The following TXNDC16 variants were observed in gnomAD, a reference collection of about 807,000 sequenced individuals.
The protein encoded by TXNDC16 is thioredoxin domain-containing protein 16.
A neutral mutation model predicts 85.6 loss-of-function variants in TXNDC16; 74 were observed. The ratio of observed to expected loss-of-function variants is 0.86; its 90% CI spans 0.72 to 1.05. TXNDC16 has a LOEUF of 1.05. Among genes scored for constraint, TXNDC16 ranks in the 50% least tolerant of loss-of-function variants. TXNDC16 has a pLI of 0.00. For synonymous variants in TXNDC16, 335 were observed against 326.5 expected (o/e 1.03, Z -0.28); for missense variants, 959 against 947.0 (o/e 1.01, Z -0.17).
chr14:52,432,730 T>A, intron 20 of TXNDC16, 143 bp from the exon 21 acceptor site: 1 of 772,462 alleles, frequency 1.3e-6, no homozygotes. Flanking sequence ...AAGCTAGGAA[T>A]TTTTTTACTG....
intron 17 of TXNDC16, among the ~76,000 whole-genome samples, 194 bp from the exon 18 acceptor site, chr14:52,455,656 T>C (rs2035516064): frequency 6.6e-6 from 1 of 152,176 alleles, no homozygotes; most frequent in Admixed American, 6.5e-5. Flanking sequence ...GGTAATGATC[T>C]ATAACAAACT....
At chr14:52,534,541 T>C (rs1383461578) in intron 6 of TXNDC16, among the ~76,000 whole-genome samples, 2 of 152,090 alleles carry the variant, frequency 1.3e-5, no homozygotes, top group Non-Finnish European at 2.9e-5. Flanking sequence ...GTCACAAAGT[T>C]CCTCTTGCTT....
chr14:52,431,373 A>G lies in TXNDC16; in HGVS notation c.*931T>C, dbSNP rs908212057. 4 of 152,232 alleles carry G rather than the reference A, an allele frequency of 2.6e-5. No homozygotes were observed. Among genetic ancestry groups the G allele is most frequent in the African/African-American group, 9.6e-5 (4 of 41,460 alleles). 9.4% of individuals were successfully genotyped at this position (152,232 alleles called of 1,614,324 possible). On this transcript the variant is annotated 3_prime_UTR_variant, in exon 21 of 21. Transcript: ENST00000281741. ...GGAGGTTTTAAGACTCACTTAAAAT[A>G]TAAATATCATTCTGAGTCCTCTTCT...
At chr14:52,546,602 G>C (rs991026156) in intron 1 of TXNDC16, among the ~76,000 whole-genome samples, 2 of 152,216 alleles carry the variant, frequency 1.3e-5, no homozygotes, top group African/African-American at 4.8e-5. Flanking sequence ...CTGCAGTCAA[G>C]AGAAATGCCC....
At chr14:52,459,008 C>T (rs1206933748) in intron 16 of TXNDC16, among the ~76,000 whole-genome samples, 1 of 152,110 alleles carries the variant, frequency 6.6e-6, no homozygotes, top group Non-Finnish European at 1.5e-5. Flanking sequence ...TATTCTCCTC[C>T]TTGGTAAAAA....
chr14:52,470,368 G>A, intron 15 of TXNDC16, 144 bp downstream of exon 15: 1 of 1,070,002 alleles, frequency 9.3e-7, no homozygotes. Context: ...GTGTTGAAAT[G>A]TACACAGACT....
intron 9 of TXNDC16, among the ~76,000 whole-genome samples, chr14:52,502,932 G>A (rs906182930): frequency 8.5e-5 from 13 of 152,128 alleles, no homozygotes; most frequent in Admixed American, 2.0e-4. Context: ...ATTATATCCC[G>A]CGCTTGAGGG....
intron 7 of TXNDC16, among the ~76,000 whole-genome samples, chr14:52,515,717 T>C (rs1335131604): frequency 3.3e-5 from 5 of 150,514 alleles, no homozygotes; most frequent in Non-Finnish European, 7.4e-5. Flanking sequence ...GTGTATCATA[T>C]ATAACTTAAT....
intron 20 of TXNDC16, among the ~76,000 whole-genome samples, chr14:52,437,636 A>G (rs2140099456): frequency 6.6e-6 from 1 of 152,308 alleles, no homozygotes; most frequent in East Asian, 1.9e-4. Flanking sequence ...AACCCACAGA[A>G]TGGAATAAAA....
intron 6 of TXNDC16, among the ~76,000 whole-genome samples, chr14:52,534,699 G>A (rs915980921): frequency 6.6e-6 from 1 of 152,052 alleles, no homozygotes; most frequent in African/African-American, 2.4e-5. Flanking sequence ...TAGCCCTTAT[G>A]CATACATACT....
chr14:52,512,816 GCT>G (rs2036988433), intron 8 of TXNDC16, among the ~76,000 whole-genome samples: 1 of 152,142 alleles, frequency 6.6e-6, no homozygotes, highest in Non-Finnish European at 1.5e-5. Flanking sequence ...ACACTTTTCA[GCT>G]CTCAATTCAA....
At chr14:52,495,030 A>G (rs1317399853) in intron 9 of TXNDC16, among the ~76,000 whole-genome samples, 1 of 152,240 alleles carries the variant, frequency 6.6e-6, no homozygotes, top group Non-Finnish European at 1.5e-5. Flanking sequence ...GAATCCGTGT[A>G]GTTAATGCCA....
At chr14:52,527,196 A>G (rs2037356825) in intron 6 of TXNDC16, among the ~76,000 whole-genome samples, 1 of 152,230 alleles carries the variant, frequency 6.6e-6, no homozygotes, top group African/African-American at 2.4e-5. Context: ...ATAGCTGTTC[A>G]GACAAAAGCA....
chr14:52,526,816 T>C (rs144114415), intron 6 of TXNDC16, among the ~76,000 whole-genome samples: 1 of 152,194 alleles, frequency 6.6e-6, no homozygotes, highest in Non-Finnish European at 1.5e-5. Flanking sequence ...CCTCAGTCTC[T>C]GAGGAGGAGC....
At chr14:52,460,776 CTT>C (rs1179183807) in intron 16 of TXNDC16, among the ~76,000 whole-genome samples, 1 of 152,102 alleles carries the variant, frequency 6.6e-6, no homozygotes, top group African/African-American at 2.4e-5. Context: ...GAATATGTCT[CTT>C]CTTTCTCCCT....
At chr14:52,473,365 C>G (rs1021331994) in intron 14 of TXNDC16, among the ~76,000 whole-genome samples, 3 of 152,130 alleles carry the variant, frequency 2.0e-5, no homozygotes, top group Admixed American at 6.5e-5. Flanking sequence ...CAAAGTGCCA[C>G]GTTACATATT....
rs1320717346 is a variant in TXNDC16, at chr14:52,493,210, T to TACAC, written c.757-2206_757-2205insGTGT. ...TCACTGTTCTATATATATATATATA[T>TACAC]ATATATACACACACACACACACACA... On this transcript the variant is annotated intron_variant, in intron 9 of 20. Coordinates refer to ENST00000281741, the MANE Select transcript of TXNDC16 (RefSeq NM_020784.3). 9.7e-4 allele frequency among the ~76,000 whole-genome samples: 116 copies of TACAC among 119,256 alleles called. 2 individuals are homozygous for TACAC. Among genetic ancestry groups the TACAC allele is most frequent in the African/African-American group, 3.3e-3 (95 of 29,096 alleles). The allele number at this position is 119,256 out of a possible 152,430, so 78.2% of individuals were successfully genotyped here.
At chr14:52,548,619 C>T (rs1402708162) in intron 1 of TXNDC16, among the ~76,000 whole-genome samples, 2 of 152,192 alleles carry the variant, frequency 1.3e-5, no homozygotes, top group African/African-American at 4.8e-5. Flanking sequence ...CGGTGGCTCA[C>T]ACCTGTAATC....
chr14:52,466,966 T>C (rs1469336123), intron 16 of TXNDC16, among the ~76,000 whole-genome samples: 1 of 151,870 alleles, frequency 6.6e-6, no homozygotes, highest in Admixed American at 6.6e-5. Flanking sequence ...AAATTACTAA[T>C]GTTCACCTAG....
Sources: allele counts gnomAD v4.1 joint callset (sites outside exome capture counted in the v4.1 genomes callset), GRCh38; gene constraint gnomAD v4.1.1; transcripts MANE v1.5; gene names NCBI Gene and HGNC (gene_info 2026-07-23, HGNC 2026-07-21).